Variants in PAH observed in about 807,000 individuals in gnomAD.
The protein encoded by PAH is phenylalanine-4-hydroxylase.
A neutral mutation model predicts 62.0 loss-of-function variants in PAH; 64 were observed. That is an observed-to-expected ratio of 1.03 (90% CI 0.84 to 1.27). The LOEUF is 1.27. Among genes scored for constraint, PAH ranks in the 50% most tolerant of loss-of-function variants. The pLI is 0.00. For missense variants in PAH, 579 were observed against 542.8 expected (o/e 1.07, Z -0.66); for synonymous variants, 195 against 196.2 (o/e 0.99, Z 0.05).
chr12:102,873,036 G>A (rs375464211), intron 4 of PAH, among the ~76,000 whole-genome samples: 21 of 152,232 alleles, frequency 1.4e-4, no homozygotes, highest in African/African-American at 4.6e-4. Flanking sequence ...CAGTTGTGTT[G>A]GCTGATATTT....
upstream of PAH, among the ~76,000 whole-genome samples, chr12:102,918,450 T>TAAAC (rs1555210075): frequency 7.2e-6 from 1 of 138,006 alleles, no homozygotes; most frequent in African/African-American, 2.9e-5. Context: ...CATCTGAAAA[T>TAAAC]AAATAAACAA....
upstream of PAH, among the ~76,000 whole-genome samples, chr12:102,917,931 T>C (rs1878450923): frequency 2.6e-5 from 4 of 152,228 alleles, no homozygotes; most frequent in South Asian, 8.3e-4. Context: ...ATGGAAGATA[T>C]TGTTTAAAAG....
chr12:102,885,122 C>T (rs1186808761), intron 3 of PAH, among the ~76,000 whole-genome samples: 22 of 152,128 alleles, frequency 1.4e-4, no homozygotes, highest in Non-Finnish European at 2.5e-4. Flanking sequence ...GGAAAGGAAG[C>T]GTGACAAACT....
chr12:102,872,121 G>A (rs1353767), intron 4 of PAH, among the ~76,000 whole-genome samples: 30,230 of 151,646 alleles, frequency 0.2, 4,396 homozygotes, highest in East Asian at 0.75. Flanking sequence ...CAAAGTAGAT[G>A]CTGGCTTTTT....
intron 3 of PAH, among the ~76,000 whole-genome samples, chr12:102,890,241 G>T (rs1225470587): frequency 6.6e-6 from 1 of 152,204 alleles, no homozygotes; most frequent in Non-Finnish European, 1.5e-5. Context: ...ACTTGAACCT[G>T]CTGTCAGACT....
chr12:102,883,930 A>T (rs1876925272), intron 3 of PAH, among the ~76,000 whole-genome samples: 1 of 152,146 alleles, frequency 6.6e-6, no homozygotes, highest in Non-Finnish European at 1.5e-5. Context: ...CGTCCTTCAG[A>T]GGGTTGATGG....
At chr12:102,851,033 G>A (rs1718292) in intron 8 of PAH, among the ~76,000 whole-genome samples, 96,102 of 150,358 alleles carry the variant, frequency 0.64, 32,073 homozygotes, top group African/African-American at 0.78. Context: ...GCAGTGAACC[G>A]TGATTATACC....
chr12:102,947,133 A>G (rs1351698680), intron 1 of PAH, among the ~76,000 whole-genome samples: 3 of 152,102 alleles, frequency 2.0e-5, no homozygotes, highest in African/African-American at 7.2e-5. Flanking sequence ...ATTTTTCATT[A>G]TGTACATTTG....
rs142182162 is a variant in PAH, at chr12:102,850,900, G to A, written c.912+787C>T. Among the ~76,000 whole-genome samples the A allele has an allele frequency of 2.9e-3, 446 of 152,208 alleles. 2 individuals carry two copies. The highest frequency in any genetic ancestry group is 9.9e-3 in the African/African-American group (412 of 41,540). ...AGAGTTTGAGGTCAGCCTCAGCAAT[G>A]TAGTGAGACTCTGTCTCCACAAAAA... On this transcript the variant is annotated intron_variant, in intron 8 of 12. Coordinates refer to ENST00000553106, the MANE Select transcript of PAH (RefSeq NM_000277.3).
chr12:102,908,745 C>G (rs889466874), intron 2 of PAH, among the ~76,000 whole-genome samples: 2 of 151,756 alleles, frequency 1.3e-5, no homozygotes, highest in Admixed American at 6.6e-5. Context: ...AAAGACCATA[C>G]TTTATTCAAA....
chr12:102,843,317 G>A (rs1237618628), intron 11 of PAH, among the ~76,000 whole-genome samples: 3 of 152,144 alleles, frequency 2.0e-5, no homozygotes, highest in African/African-American at 7.2e-5. Context: ...GGAGAAGAAA[G>A]TGAAGAAAGG....
chr12:102,941,850 G>T (rs1189256816), intron 1 of PAH, among the ~76,000 whole-genome samples: 2 of 152,142 alleles, frequency 1.3e-5, no homozygotes, highest in Non-Finnish European at 2.9e-5. Context: ...CTCAATAGAT[G>T]CAGAAAAGGC....
At chr12:102,862,480 G>C (rs566309769) in intron 5 of PAH, among the ~76,000 whole-genome samples, 1 of 152,202 alleles carries the variant, frequency 6.6e-6, no homozygotes, top group South Asian at 2.1e-4. Context: ...GAAATAGTCT[G>C]TAAAACAAAC....
At chr12:102,919,394 A>T (rs1216861477), upstream of PAH, among the ~76,000 whole-genome samples, 2 of 152,212 alleles carry the variant, frequency 1.3e-5, no homozygotes, top group Non-Finnish European at 2.9e-5. Context: ...TAATCACATC[A>T]TTGAAAATGG....
chr12:102,896,954 G>T (rs1213253289), intron 2 of PAH, among the ~76,000 whole-genome samples: 1 of 152,136 alleles, frequency 6.6e-6, no homozygotes, highest in Admixed American at 6.5e-5. Context: ...CTGATGATCC[G>T]CAGCACAGAT....
At chr12:102,949,998 T>C (rs1178278946) in intron 1 of PAH, 8 of 152,260 alleles carry the variant, frequency 5.3e-5, no homozygotes, top group Non-Finnish European at 1.2e-4. Flanking sequence ...TTTTTAGATC[T>C]GAACAGTATT....
chr12:102,866,862 A>T (rs1451855310), intron 4 of PAH, among the ~76,000 whole-genome samples, 199 bp from the exon 5 acceptor site: 3 of 152,192 alleles, frequency 2.0e-5, no homozygotes, highest in Admixed American at 2.0e-4. Flanking sequence ...AACTTCTTTG[A>T]TTTAGCATGA....
At chr12:102,943,239 C>A (rs1879358086) in intron 1 of PAH, among the ~76,000 whole-genome samples, 1 of 151,958 alleles carries the variant, frequency 6.6e-6, no homozygotes, top group African/African-American at 2.4e-5. Flanking sequence ...CACAAACAAC[C>A]ACATTAAAAA....
At chr12:102,894,623 A>G (rs1877417295) in intron 3 of PAH, 112 bp downstream of exon 3, 1 of 838,754 alleles carries the variant, frequency 1.2e-6, no homozygotes, top group African/African-American at 1.7e-5. Context: ...AAATAACAGC[A>G]ATATATATTA....
Sources: allele counts gnomAD v4.1 joint callset (sites outside exome capture counted in the v4.1 genomes callset), GRCh38; gene constraint gnomAD v4.1.1; transcripts MANE v1.5; gene names NCBI Gene and HGNC (gene_info 2026-07-23, HGNC 2026-07-21).